The following CLEC12A variants were observed in gnomAD, a reference collection of about 807,000 sequenced individuals.
CLEC12A encodes the protein C-type lectin domain family 12 member A.
A neutral mutation model predicts 26.5 loss-of-function variants in CLEC12A; 22 were observed. The ratio of observed to expected loss-of-function variants is 0.83; its 90% CI spans 0.59 to 1.19. The LOEUF is 1.19. Ranked by LOEUF, CLEC12A falls within the 50% of genes most tolerant of loss-of-function variation. The probability of loss-of-function intolerance (pLI) is 0.00; values close to 1 mark genes in which losing one functional copy is unlikely to be tolerated. For missense variants in CLEC12A, 353 were observed against 315.6 expected (o/e 1.12, Z -0.90); for synonymous variants, 119 against 101.9 (o/e 1.17, Z -1.01).
chr12:9,984,954 TA>T lies in CLEC12A; in HGVS notation c.733del (p.Arg245GlufsTer2). On this transcript the variant is annotated frameshift_variant, in exon 6 of 6. Coordinates refer to ENST00000304361, the MANE Select transcript of CLEC12A (RefSeq NM_138337.6). LOFTEE classifies it low-confidence loss of function (END_TRUNC). ...LYVQYYHCTY[K>X]KRMICEKMAN... The stretch of plus-strand genomic sequence containing the variant: ...ATGTTCAATATTATCACTGCACTTA[TA>T]AAAAAAGAATGATATGTGAGAAGAT... The T allele has an allele frequency of 1.3e-6, 2 of 1,571,924 alleles. No individual in the cohort carries two copies. The highest frequency in any genetic ancestry group is 1.7e-6 in the Non-Finnish European group (2 of 1,155,498).
At chr12:9,979,287 A>T in intron 2 of CLEC12A, 49 bp from the exon 3 acceptor site, 1 of 1,343,660 alleles carries the variant, frequency 7.4e-7, no homozygotes, top group Non-Finnish European at 1.0e-6. Flanking sequence ...ATAAAGGATG[A>T]TGGCTCTATT....
chr12:9,999,424 C>T (rs1037254245), downstream of CLEC12A: 2 of 196,914 alleles, frequency 1.0e-5, no homozygotes, highest in Non-Finnish European at 2.0e-5. Flanking sequence ...TGCATCCTTT[C>T]TAAGAACAAA....
chr12:9,979,309 A>T (rs1354334945), intron 2 of CLEC12A, 27 bp from the exon 3 acceptor site: 4 of 1,506,432 alleles, frequency 2.7e-6, no homozygotes, highest in South Asian at 1.2e-5. Flanking sequence ...AGAATTTACA[A>T]TTTTTTGTCA....
At chr12:9,962,749 G>A (rs905038812) in intron 1 of CLEC12A, among the ~76,000 whole-genome samples, 10 of 152,120 alleles carry the variant, frequency 6.6e-5, no homozygotes, top group Admixed American at 4.6e-4. Context: ...TTTTGTAGTG[G>A]AATGTCATCT....
upstream of CLEC12A, among the ~76,000 whole-genome samples, chr12:9,969,725 A>G (rs1032280898): frequency 6.6e-6 from 1 of 152,178 alleles, no homozygotes; most frequent in African/African-American, 2.4e-5. Context: ...AAACAAAGAG[A>G]TATTTATAAA....
At chr12:9,983,869 G>T (rs564075467) in intron 5 of CLEC12A, 6 of 248,496 alleles carry the variant, frequency 2.4e-5, no homozygotes, top group Admixed American at 5.4e-5. Context: ...TACAAATGGA[G>T]TGGAGAAGGA....
At chr12:9,963,958 G>A (rs1454309597) in intron 1 of CLEC12A, among the ~76,000 whole-genome samples, 1 of 152,142 alleles carries the variant, frequency 6.6e-6, no homozygotes, top group African/African-American at 2.4e-5. Flanking sequence ...TTATTTATGG[G>A]GCTGGGTATA....
At position 9,985,070 on chromosome 12, in the gene CLEC12A, C is replaced by T. The variant is rs748742659; in HGVS notation, c.*44C>T. 6 of 1,363,510 alleles carry T rather than the reference C, an allele frequency of 4.4e-6. No homozygotes were observed. In the East Asian group the frequency reaches 1.2e-4, roughly 26 times the overall value. 84.5% of individuals were successfully genotyped at this position (1,363,510 alleles called of 1,614,324 possible). A position where few individuals can be genotyped will look rare whatever the true frequency, so the allele number is the denominator to read the frequency against. On this transcript the variant is annotated 3_prime_UTR_variant, in exon 6 of 6. Transcript: ENST00000304361. ...TTAAGGAGTGTAGGGGGTGGGGGTT[C>T]TAGGCTATAGGTAAATTTAAATATT... is the stretch of plus-strand genomic sequence containing the variant.
intron 4 of CLEC12A, among the ~76,000 whole-genome samples, chr12:9,981,573 T>C (rs1864559908): frequency 6.6e-6 from 1 of 152,162 alleles, no homozygotes; most frequent in Admixed American, 6.5e-5. Flanking sequence ...AAACCTGTTA[T>C]TTGGCTACAA....
chr12:9,978,666 T>C (rs1163409581), intron 1 of CLEC12A, among the ~76,000 whole-genome samples: 1 of 152,222 alleles, frequency 6.6e-6, no homozygotes, highest in Non-Finnish European at 1.5e-5. Flanking sequence ...TTGACTGGTT[T>C]TCTCCATTCT....
downstream of CLEC12A, among the ~76,000 whole-genome samples, chr12:9,987,374 C>T (rs79466491): frequency 6.9e-3 from 1,048 of 152,266 alleles, 11 homozygotes; most frequent in African/African-American, 0.024. Context: ...ACATGGCTCT[C>T]AGGTGGAAAT....
At chr12:9,984,067 A>G (rs1864668036) in intron 5 of CLEC12A, 1 of 310,880 alleles carries the variant, frequency 3.2e-6, no homozygotes. Flanking sequence ...TATCAAAAAG[A>G]AAACTGAAAA....
downstream of CLEC12A, chr12:9,998,991 C>G: frequency 1.8e-6 from 2 of 1,102,498 alleles, no homozygotes; most frequent in Non-Finnish European, 2.7e-6. Context: ...TGAATCAACT[C>G]ATTTTTTAAA....
At chr12:9,987,374 C>G (rs79466491), downstream of CLEC12A, among the ~76,000 whole-genome samples, 1 of 152,150 alleles carries the variant, frequency 6.6e-6, no homozygotes, top group South Asian at 2.1e-4. Context: ...ACATGGCTCT[C>G]AGGTGGAAAT....
chr12:9,982,048 A>G lies in CLEC12A; in HGVS notation c.560A>G (p.Tyr187Cys). ...TTTATAAAATCCCAGAGTAGATCAT[A>G]TGACTATTGGCTGGGATTATCTCCT... ...LEFIKSQSRS[Y>C]DYWLGLSPEE... Residue 187 changes from tyrosine (Y) to cysteine (C), a missense_variant, in exon 5 of 6, where the codon TAT (tyrosine) becomes TGT (cysteine). Tyr to Cys is a radical substitution (Grantham distance 194). Coordinates refer to ENST00000304361, the MANE Select transcript of CLEC12A (RefSeq NM_138337.6). 2 of 1,590,686 alleles carry G rather than the reference A, an allele frequency of 1.3e-6. No homozygotes were observed. The highest frequency in any genetic ancestry group is 1.1e-5 in the South Asian group (1 of 90,394).
In CLEC12A at chr12:9,952,135, C is replaced by CTCTCCCTCTCCG. The variant is rs1190926821; in HGVS notation, c.10+791_10+802dup. Reference sequence around the variant, plus strand: ...GTGAGCGCTCTCCCTCTCCCTCTCCCTCTCCCTCTCCGTCTCCCTCTCCCT... The same window carrying CTCTCCCTCTCCG: ...GTGAGCGCTCTCCCTCTCCCTCTCCCTCTCCCTCTCCGTCTCCCTCTCCGTCTCCCTCTCCCT... On this transcript the variant is annotated intron_variant, in intron 1 of 6. Coordinates refer to the CLEC12A transcript ENST00000355690. 4.6e-5 allele frequency: 6 copies of CTCTCCCTCTCCG among 129,832 alleles called. No individual in the cohort carries two copies. In the South Asian group the frequency reaches 1.9e-3, roughly 42 times the overall value. The allele number at this position is 129,832 out of a possible 1,614,324, so 8.0% of individuals were successfully genotyped here.
chr12:9,996,963 T>G, downstream of CLEC12A: 1 of 1,614,102 alleles, frequency 6.2e-7, no homozygotes, highest in South Asian at 1.1e-5. Flanking sequence ...CTCCATAATA[T>G]CTCCAGTTTG....
intron 1 of CLEC12A, among the ~76,000 whole-genome samples, chr12:9,956,277 A>C (rs1449802951): frequency 6.6e-6 from 1 of 152,230 alleles, no homozygotes; most frequent in Non-Finnish European, 1.5e-5. Flanking sequence ...TAACCTTTAG[A>C]TAACTTCTGA....
chr12:9,988,503 C>G (rs1864821382), downstream of CLEC12A, among the ~76,000 whole-genome samples: 1 of 152,066 alleles, frequency 6.6e-6, no homozygotes, highest in African/African-American at 2.4e-5. Context: ...ACGAAGAACT[C>G]AAACAAATTT....
Sources: allele counts gnomAD v4.1 joint callset (sites outside exome capture counted in the v4.1 genomes callset), GRCh38; gene constraint gnomAD v4.1.1; transcripts MANE v1.5; gene names NCBI Gene and HGNC (gene_info 2026-07-23, HGNC 2026-07-21).